Variants in ROCK2 observed in about 807,000 individuals in gnomAD.
ROCK2 encodes rho-associated protein kinase 2.
Under a neutral mutation model 195.1 loss-of-function variants are expected in ROCK2, and 61 were observed. That is an observed-to-expected ratio of 0.31 (90% CI 0.25 to 0.39). The LOEUF is 0.39. Ranked by LOEUF, ROCK2 falls within the 10% of genes least tolerant of loss-of-function variation. The pLI, the probability that ROCK2 is intolerant of heterozygous loss-of-function variation, is 1.00. For missense variants in ROCK2, 1,109 were observed against 1,637.4 expected (o/e 0.68, Z 5.57); for synonymous variants, 504 against 545.5 (o/e 0.92, Z 1.06).
chr2:11,250,184 C>T (rs537044586), intron 3 of ROCK2, among the ~76,000 whole-genome samples: 1 of 152,198 alleles, frequency 6.6e-6, no homozygotes, highest in South Asian at 2.1e-4. Flanking sequence ...TCTGAAAGAT[C>T]AATGTATACA....
chr2:11,195,312 AGT>A (rs948000239), intron 27 of ROCK2: 1 of 148,132 alleles, frequency 6.8e-6, no homozygotes, highest in Non-Finnish European at 1.4e-5. Flanking sequence ...TCAGGAGAAA[AGT>A]TGCCAAAAAA....
At chr2:11,214,203 T>C (rs563399127) in intron 17 of ROCK2, among the ~76,000 whole-genome samples, 154 bp downstream of exon 17, 1 of 152,064 alleles carries the variant, frequency 6.6e-6, no homozygotes, top group Non-Finnish European at 1.5e-5. Context: ...AGCCTGCAGA[T>C]ACATCTCTTA....
At chr2:11,187,050 T>TA (rs1021004821) in intron 32 of ROCK2, among the ~76,000 whole-genome samples, 43 of 152,248 alleles carry the variant, frequency 2.8e-4, no homozygotes, top group Middle Eastern at 3.4e-3. Flanking sequence ...AGAGTGCATT[T>TA]AATTTGGAGT....
At chr2:11,218,087 A>G (rs1306123708) in intron 11 of ROCK2, 1 of 169,110 alleles carries the variant, frequency 5.9e-6, no homozygotes, top group Non-Finnish European at 1.3e-5. Flanking sequence ...TAAATACTGC[A>G]TCTATCTTAA....
chr2:11,343,988 C>T lies in ROCK2; in HGVS notation c.141+8G>A. On this transcript the variant is annotated splice_region_variant and intron_variant, in intron 1 of 32. Transcript: ENST00000315872. ...CAACGAGCAAGCTCCCAGGCCCCGGCCACCTACCAGCAAGCTCTCCACGTT... is the reference window on the plus strand; with the variant it reads ...CAACGAGCAAGCTCCCAGGCCCCGGTCACCTACCAGCAAGCTCTCCACGTT... The T allele has an allele frequency of 6.3e-7, 1 of 1,586,396 alleles. No individual in the cohort carries two copies. Among genetic ancestry groups the T allele is most frequent in the East Asian group, 2.5e-5 (1 of 40,076 alleles).
intron 3 of ROCK2, among the ~76,000 whole-genome samples, chr2:11,278,834 G>A (rs915068467): frequency 1.3e-5 from 2 of 152,052 alleles, no homozygotes; most frequent in South Asian, 2.1e-4. Flanking sequence ...GGCTGGTCTC[G>A]AATTCCTGAC....
chr2:11,315,907 G>C (rs1399002056), intron 1 of ROCK2, among the ~76,000 whole-genome samples: 1 of 152,114 alleles, frequency 6.6e-6, no homozygotes, highest in African/African-American at 2.4e-5. Context: ...CTATAAAGCT[G>C]TGCTGTCCGA....
intron 4 of ROCK2, among the ~76,000 whole-genome samples, chr2:11,245,368 C>T (rs1028332391): frequency 1.3e-5 from 2 of 151,640 alleles, no homozygotes; most frequent in African/African-American, 4.8e-5. Context: ...GGAAGTACAA[C>T]TTAACACAGT....
At position 11,197,769 on chromosome 2, in the gene ROCK2, T is replaced by C; in HGVS notation, c.3100-64A>G. ...ATAAATTACGTTTATGGTTTCTCAG[T>C]ATCTCATCAAGAGCAACAAGTTATA... is the stretch of plus-strand genomic sequence containing the variant. On this transcript the variant is annotated intron_variant, in intron 25 of 32. Coordinates refer to ENST00000315872, the MANE Select transcript of ROCK2 (RefSeq NM_004850.5). The surrounding 1 kb of genome is among the most constrained non-coding windows in gnomAD (Gnocchi z 4.9). The C allele has an allele frequency of 8.6e-7, 1 of 1,158,918 alleles. No individual in the cohort carries two copies. The highest frequency in any genetic ancestry group is 1.1e-6 in the Non-Finnish European group (1 of 874,140). 71.8% of individuals were successfully genotyped at this position (1,158,918 alleles called of 1,614,324 possible).
intron 1 of ROCK2, among the ~76,000 whole-genome samples, chr2:11,295,966 A>AAGAGAGCGAG (rs1667500300): frequency 1.3e-5 from 1 of 77,718 alleles, no homozygotes. Flanking sequence ...CAAAAAACAA[A>AAGAGAGCGAG]AGAGAGAGAG....
At chr2:11,236,019 CA>C in intron 4 of ROCK2, 57 bp from the exon 5 acceptor site, 1 of 1,404,452 alleles carries the variant, frequency 7.1e-7, no homozygotes, top group South Asian at 1.8e-5. Context: ...AAATCATAAT[CA>C]GAACAAAAAT....
chr2:11,306,997 A>G (rs1353090916), intron 1 of ROCK2, among the ~76,000 whole-genome samples: 1 of 152,224 alleles, frequency 6.6e-6, no homozygotes, highest in Non-Finnish European at 1.5e-5. Context: ...TAATAAAGTC[A>G]GTGGTATAAA....
At chr2:11,196,533 C>A (rs1236225522) in intron 27 of ROCK2, among the ~76,000 whole-genome samples, 1 of 152,122 alleles carries the variant, frequency 6.6e-6, no homozygotes, top group Admixed American at 6.5e-5. Context: ...AAAACAAATT[C>A]TTTATTCATG....
intron 11 of ROCK2, 138 bp downstream of exon 11, chr2:11,218,317 G>C (rs1664502457): frequency 2.0e-6 from 1 of 499,152 alleles, no homozygotes; most frequent in Non-Finnish European, 3.5e-6. Context: ...AGAGATACTT[G>C]GTAGAAGAAA....
At chr2:11,285,986 G>C (rs1667174684) in intron 3 of ROCK2, among the ~76,000 whole-genome samples, 1 of 151,728 alleles carries the variant, frequency 6.6e-6, no homozygotes, top group African/African-American at 2.4e-5. Context: ...GTGTGAAGAA[G>C]AGAATTTGAC....
chr2:11,274,728 A>G (rs1234857627), intron 3 of ROCK2, among the ~76,000 whole-genome samples: 17 of 152,168 alleles, frequency 1.1e-4, no homozygotes, highest in Non-Finnish European at 2.5e-4. Context: ...AGAAAACTGA[A>G]GAGGAAGGAA....
At chr2:11,290,971 G>GT (rs1465879098) in intron 1 of ROCK2, among the ~76,000 whole-genome samples, 4 of 151,954 alleles carry the variant, frequency 2.6e-5, no homozygotes, top group East Asian at 3.9e-4. Context: ...GCTGAGAAAC[G>GT]TGAATTAGCT....
At chr2:11,237,248 A>G (rs1178394672) in intron 4 of ROCK2, among the ~76,000 whole-genome samples, 11 of 152,182 alleles carry the variant, frequency 7.2e-5, no homozygotes, top group Non-Finnish European at 1.5e-4. Context: ...GACCAAAAAA[A>G]CCCTGAAGTC....
chr2:11,326,295 G>C (rs1656948015), intron 1 of ROCK2, among the ~76,000 whole-genome samples: 2 of 152,186 alleles, frequency 1.3e-5, no homozygotes, highest in African/African-American at 2.4e-5. Flanking sequence ...GGAGCCTAAG[G>C]AGAAACAGCT....
Sources: gnomAD v4.1 joint callset for allele counts (sites outside exome capture counted in the v4.1 genomes callset) on GRCh38, gnomAD v4.1.1 for gene constraint, Gnocchi (gnomAD v3.1) non-coding constraint, MANE v1.5 for transcripts, NCBI Gene and HGNC (gene_info 2026-07-23, HGNC 2026-07-21) for gene names.